The following BMP2K variants were observed in gnomAD, a reference collection of about 807,000 sequenced individuals.
BMP2K encodes BMP-2-inducible protein kinase.
Under a neutral mutation model 116.0 loss-of-function variants are expected in BMP2K, and 74 were observed. That is an observed-to-expected ratio of 0.64 (90% CI 0.53 to 0.77). The LOEUF (loss-of-function observed/expected upper bound fraction) is 0.77, where lower values mean the gene tolerates loss of function less well. BMP2K is among the 30% of genes least tolerant of loss of function. BMP2K has a pLI of 0.00. For missense variants in BMP2K, 1,365 were observed against 1,403.6 expected (o/e 0.97, Z 0.44); for synonymous variants, 486 against 502.5 (o/e 0.97, Z 0.44).
chr4:78,820,942 C>T (rs574794440), intron 1 of BMP2K: 1 of 152,578 alleles, frequency 6.6e-6, no homozygotes, highest in Admixed American at 6.5e-5. Context: ...CTAATTTTAT[C>T]TTCTAGCTCC....
chr4:78,894,310 C>A (rs1433177009), intron 15 of BMP2K, among the ~76,000 whole-genome samples: 2 of 152,212 alleles, frequency 1.3e-5, no homozygotes, highest in African/African-American at 4.8e-5. Flanking sequence ...TAGATGGCAT[C>A]TTCCAATAGA....
At chr4:78,800,418 C>G (rs1378525548) in intron 1 of BMP2K, among the ~76,000 whole-genome samples, 2 of 152,176 alleles carry the variant, frequency 1.3e-5, no homozygotes, top group Non-Finnish European at 2.9e-5. Flanking sequence ...CACTCTCTAT[C>G]TTCTGTGACT....
At chr4:78,885,195 T>G (rs561663332) in intron 14 of BMP2K, among the ~76,000 whole-genome samples, 18 of 152,342 alleles carry the variant, frequency 1.2e-4, no homozygotes, top group Admixed American at 6.5e-4. Flanking sequence ...AGTAAAAATT[T>G]AAACAATCCA....
At chr4:78,839,521 T>G (rs1487593152) in intron 3 of BMP2K, among the ~76,000 whole-genome samples, 2 of 152,056 alleles carry the variant, frequency 1.3e-5, no homozygotes, top group African/African-American at 2.4e-5. Flanking sequence ...AGTTTGAAAA[T>G]TTAGGGCCAA....
At position 78,871,064 on chromosome 4, in the gene BMP2K, A is replaced by G; in HGVS notation, c.1509+4A>G. ...TCAAGATGCTTATATGCAGCAGGTA[A>G]TTTTTTTGTTTCTTTAGATATGGAA... On this transcript the variant is annotated splice_donor_region_variant and intron_variant, in intron 11 of 15. Coordinates refer to ENST00000502613, the MANE Select transcript of BMP2K (RefSeq NM_198892.2). The G allele has an allele frequency of 6.2e-7, 1 of 1,601,496 alleles. No homozygotes were observed. Among genetic ancestry groups the G allele is most frequent in the Non-Finnish European group, 8.5e-7 (1 of 1,179,000 alleles).
chr4:78,850,812 A>C (rs1369609194), intron 6 of BMP2K, 112 bp from the exon 7 acceptor site: 1 of 976,946 alleles, frequency 1.0e-6, no homozygotes, highest in Non-Finnish European at 1.5e-6. Flanking sequence ...ATTTGTAAAA[A>C]GATTGCTGCA....
chr4:78,850,694 C>G (rs550970278), intron 6 of BMP2K, among the ~76,000 whole-genome samples: 1 of 151,666 alleles, frequency 6.6e-6, no homozygotes, highest in Admixed American at 6.6e-5. Context: ...CTAATTTTTA[C>G]GATACCATTA....
chr4:78,805,727 T>C (rs139908533), intron 1 of BMP2K, among the ~76,000 whole-genome samples: 2,884 of 152,254 alleles, frequency 0.019, 84 homozygotes, highest in African/African-American at 0.062. Flanking sequence ...CCCCAGCACT[T>C]TGGGAGGCTG....
In BMP2K at chr4:78,872,738, A is replaced by C; in HGVS notation, c.1733A>C (p.Tyr578Ser). The C allele has an allele frequency of 6.2e-7, 1 of 1,614,104 alleles. No homozygotes were observed. The highest frequency in any genetic ancestry group is 1.1e-5 in the South Asian group (1 of 91,082). The change falls in exon 13 of 16, where the codon TAC (tyrosine) becomes TCC (serine). Residue 578 changes from tyrosine to serine, a missense_variant. Transcript: ENST00000502613. ...PQEFSPALVS[Y>S]TSSLPAQVGT... ...GAGTTCTCACCAGCCTTAGTTTCCT[A>C]CACTTCATCACTTCCAGCTCAGGTT...
intron 15 of BMP2K, among the ~76,000 whole-genome samples, chr4:78,897,326 C>T (rs1399788942): frequency 6.6e-6 from 1 of 151,418 alleles, no homozygotes; most frequent in East Asian, 1.9e-4. Context: ...CCTAAATATC[C>T]AATATTAGGT....
In BMP2K at chr4:78,914,137, T is replaced by C. The variant is rs979637924; in HGVS notation, c.*2104T>C. The C allele has an allele frequency of 6.6e-6, 1 of 152,106 alleles. No homozygotes were observed. Among genetic ancestry groups the C allele is most frequent in the African/African-American group, 2.4e-5 (1 of 41,456 alleles). The allele number at this position is 152,106 out of a possible 1,614,324, so 9.4% of individuals were successfully genotyped here. On this transcript the variant is annotated 3_prime_UTR_variant, in exon 16 of 16. Transcript: ENST00000502613. Reference sequence around the variant, plus strand: ...CTTGATTGTATTAGTCCTTGGTCTCTGCTAGACCTCATGAGTTTCATCATT... The same window carrying C: ...CTTGATTGTATTAGTCCTTGGTCTCCGCTAGACCTCATGAGTTTCATCATT...
In BMP2K at chr4:78,910,795, TCTC is replaced by T. The variant is rs756439486; in HGVS notation, c.2251_2253del (p.Pro751del). 7.4e-6 allele frequency: 12 copies of T among 1,613,696 alleles called. No homozygotes were observed. The highest frequency in any genetic ancestry group is 4.4e-5 in the South Asian group (4 of 91,010). On this transcript the variant is annotated inframe_deletion, in exon 16 of 16. Coordinates refer to ENST00000502613, the MANE Select transcript of BMP2K (RefSeq NM_198892.2). ...AAGTGATTTTGAATCAGATCCCCCTTCTCCTAAGAGCAGTGAAGAGGAAGAGCA... is the reference window on the plus strand; with the variant it reads ...AAGTGATTTTGAATCAGATCCCCCTTCTAAGAGCAGTGAAGAGGAAGAGCA...
chr4:78,894,453 C>T (rs1733598189), intron 15 of BMP2K, among the ~76,000 whole-genome samples: 1 of 152,218 alleles, frequency 6.6e-6, no homozygotes. Context: ...TGGCTTCTTT[C>T]CTTACAGCTC....
chr4:78,855,506 A>G (rs1731463287), intron 7 of BMP2K, among the ~76,000 whole-genome samples: 1 of 152,136 alleles, frequency 6.6e-6, no homozygotes, highest in Non-Finnish European at 1.5e-5. Flanking sequence ...CGTTTTGTGT[A>G]ACTTGAATGG....
At chr4:78,833,739 G>A (rs762481625) in intron 3 of BMP2K, 52 bp downstream of exon 3, 1 of 1,199,454 alleles carries the variant, frequency 8.3e-7, no homozygotes, top group Admixed American at 2.1e-5. Context: ...CCTTAAATGG[G>A]TTACTAGGTA....
At chr4:78,789,493 G>A (rs753116926) in intron 1 of BMP2K, among the ~76,000 whole-genome samples, 11 of 152,108 alleles carry the variant, frequency 7.2e-5, no homozygotes, top group Admixed American at 3.9e-4. Context: ...TGGTTTAAGG[G>A]ACCTCGGGAC....
intron 1 of BMP2K, among the ~76,000 whole-genome samples, chr4:78,820,564 G>A (rs62310810): frequency 0.062 from 9,435 of 151,918 alleles, 405 homozygotes; most frequent in East Asian, 0.22. Flanking sequence ...TTTAGATACT[G>A]GATCTGGTGG....
chr4:78,829,738 G>A (rs1730060942), intron 2 of BMP2K, among the ~76,000 whole-genome samples: 2 of 146,310 alleles, frequency 1.4e-5, no homozygotes, highest in African/African-American at 2.6e-5. Flanking sequence ...TGTTGTGTTA[G>A]CAGGCATGGA....
chr4:78,794,244 A>G (rs137918034), intron 1 of BMP2K, among the ~76,000 whole-genome samples: 51 of 152,226 alleles, frequency 3.4e-4, no homozygotes, highest in African/African-American at 1.2e-3. Flanking sequence ...CTGGGGTGCA[A>G]TGATATGCAT....
Sources: allele counts gnomAD v4.1 joint callset (sites outside exome capture counted in the v4.1 genomes callset), GRCh38; gene constraint gnomAD v4.1.1; transcripts MANE v1.5; gene names NCBI Gene and HGNC (gene_info 2026-07-23, HGNC 2026-07-21).